TRIM6: variants seen among roughly 807,000 people sequenced by gnomAD.
TRIM6 encodes the protein tripartite motif-containing protein 6.
In TRIM6, 43 loss-of-function variants were observed where a neutral mutation model predicts 51.2. The observed-to-expected ratio is 0.84, with a 90% confidence interval of 0.66 to 1.08. The LOEUF (loss-of-function observed/expected upper bound fraction) is 1.08. Ranked by LOEUF, TRIM6 falls within the 50% of genes least tolerant of loss-of-function variation. The probability of loss-of-function intolerance (pLI) is 0.00; values close to 1 mark genes in which losing one functional copy is unlikely to be tolerated. For synonymous variants in TRIM6, 215 were observed against 232.4 expected, an observed-to-expected ratio of 0.93 and a Z score of 0.68; for missense variants, 669 against 619.0, an observed-to-expected ratio of 1.08 and a Z score of -0.86.
At chr11:5,601,648 C>G (rs1847859160) in intron 1 of TRIM6, among the ~76,000 whole-genome samples, 1 of 152,146 alleles carries the variant, frequency 6.6e-6, no homozygotes, top group Non-Finnish European at 1.5e-5. Context: ...ATCCCAGCTA[C>G]TCAGGAGGCT....
chr11:5,605,205 C>A, intron 3 of TRIM6, 132 bp from the exon 4 acceptor site: 2 of 1,199,740 alleles, frequency 1.7e-6, no homozygotes, highest in Non-Finnish European at 1.2e-6. Flanking sequence ...CTTTCTCCTG[C>A]AGCATTTACC....
Position 5,605,417 on chromosome 11 carries a change from G to A in TRIM6, c.684G>A (p.Arg228=). ...ATATCCTAGACAGAGTGGAGCAACG[G>A]GAGCTGAAAAAGCTGGAACAGGAAG... is the stretch of plus-strand genomic sequence containing the variant. ...LRNILDRVEQ[R]ELKKLEQEEK... The change falls in exon 4 of 8, where the codon CGG becomes CGA. Residue 228 remains arginine, a synonymous_variant. Transcript: ENST00000380097. 6.2e-7 allele frequency: 1 copy of A among 1,614,178 alleles called. No homozygotes were observed. The highest frequency in any genetic ancestry group is 1.6e-4 in the Middle Eastern group (1 of 6,062).
At chr11:5,604,838 C>A in intron 3 of TRIM6, 1 of 525,180 alleles carries the variant, frequency 1.9e-6, no homozygotes, top group Non-Finnish European at 3.3e-6. Context: ...AGGAGACAAT[C>A]ACATAGCAGA....
Position 5,605,432 on chromosome 11 carries a change from G to C in TRIM6, c.699G>C (p.Leu233=). Residue 233 remains leucine, a synonymous_variant, in exon 4 of 8, where the codon CTG becomes CTC. Coordinates refer to ENST00000380097, the MANE Select transcript of TRIM6 (RefSeq NM_001003818.3). Reference sequence around the variant, plus strand: ...TGGAGCAACGGGAGCTGAAAAAGCTGGAACAGGAAGAGAAGAAGGGGCTAC... The same window carrying C: ...TGGAGCAACGGGAGCTGAAAAAGCTCGAACAGGAAGAGAAGAAGGGGCTAC... ...DRVEQRELKK[L]EQEEKKGLRI... 6.2e-7 allele frequency: 1 copy of C among 1,614,168 alleles called. No homozygotes were observed. The highest frequency in any genetic ancestry group is 8.5e-7 in the Non-Finnish European group (1 of 1,180,032).
intron 4 of TRIM6, among the ~76,000 whole-genome samples, chr11:5,607,227 CA>C (rs1479297469): frequency 6.6e-6 from 1 of 152,048 alleles, no homozygotes; most frequent in Non-Finnish European, 1.5e-5. Flanking sequence ...ATTTTATAGC[CA>C]AGATAAAAGC....
At chr11:5,607,167 G>T (rs1285884014) in intron 4 of TRIM6, among the ~76,000 whole-genome samples, 1 of 152,028 alleles carries the variant, frequency 6.6e-6, no homozygotes, top group Non-Finnish European at 1.5e-5. Context: ...TCGCACCACT[G>T]CACTCCAGCC....
chr11:5,605,599 G>C, intron 4 of TRIM6, 32 bp downstream of exon 4: 1 of 1,581,840 alleles, frequency 6.3e-7, no homozygotes, highest in Non-Finnish European at 8.6e-7. Context: ...AGATCTGAGA[G>C]TCAAGGAAAA....
At chr11:5,606,365 G>A (rs1386955816) in intron 4 of TRIM6, among the ~76,000 whole-genome samples, 1 of 152,160 alleles carries the variant, frequency 6.6e-6, no homozygotes, top group Admixed American at 6.5e-5. Flanking sequence ...AATTCTAGCA[G>A]CTATTTTCTG....
intron 1 of TRIM6, among the ~76,000 whole-genome samples, chr11:5,597,777 C>T (rs963511058): frequency 6.6e-6 from 1 of 152,122 alleles, no homozygotes; most frequent in African/African-American, 2.4e-5. Flanking sequence ...AAAGATGCTT[C>T]GTATCTAAAT....
At position 5,611,802 on chromosome 11, in the gene TRIM6, G is replaced by A. The variant is rs1370784918; in HGVS notation, c.*460G>A. ...TCAGTACTAGGATGCACCCAGTGGT[G>A]AGAGTAAGCATCTTTGACTGATGAC... On this transcript the variant is annotated 3_prime_UTR_variant, in exon 8 of 8. Transcript: ENST00000380097. The A allele has an allele frequency of 6.3e-6, 1 of 159,410 alleles. No homozygotes were observed. Among genetic ancestry groups the A allele is most frequent in the African/African-American group, 2.4e-5 (1 of 41,482 alleles). The allele number at this position is 159,410 out of a possible 1,614,324, so 9.9% of individuals were successfully genotyped here. A position where few individuals can be genotyped will look rare whatever the true frequency, so the allele number is the denominator to read the frequency against.
intron 3 of TRIM6, 97 bp downstream of exon 3, chr11:5,604,726 T>C (rs1848101261): frequency 1.1e-5 from 15 of 1,305,248 alleles, no homozygotes; most frequent in Non-Finnish European, 1.6e-5. Flanking sequence ...TGTCCTCTGA[T>C]GCCATGACTA....
At chr11:5,610,656 G>A in intron 7 of TRIM6, 95 bp downstream of exon 7, 3 of 1,566,326 alleles carry the variant, frequency 1.9e-6, no homozygotes, top group Non-Finnish European at 2.6e-6. Context: ...AGGTGTTGAT[G>A]CCTCCCCCAT....
In TRIM6 at chr11:5,604,702, G is replaced by A. The variant is rs1848100155; in HGVS notation, c.603+73G>A. The A allele has an allele frequency of 3.4e-6, 5 of 1,483,830 alleles. No homozygotes were observed. The South Asian group carries it at 5.5e-5, about 16-fold the overall frequency. 91.9% of individuals were successfully genotyped at this position (1,483,830 alleles called of 1,614,324 possible). On this transcript the variant is annotated intron_variant, in intron 3 of 7. Transcript: ENST00000380097. ...GGTCATAGGAGCTGAGGGCAAAGGAGTCCTTGTCCTGTCTGTCCTCTGATG... is the reference window on the plus strand; with the variant it reads ...GGTCATAGGAGCTGAGGGCAAAGGAATCCTTGTCCTGTCTGTCCTCTGATG...
In TRIM6 at chr11:5,610,870, G is replaced by A; in HGVS notation, c.1079G>A (p.Gly360Glu). ...AGGTTTGTGGGAGCTAAAGTATCTG[G>A]ACCTTCCTGTCTGGAAAAGCATTAT... ...QVRFVGAKVS[G>E]PSCLEKHYDC... Residue 360 changes from glycine (G) to glutamate (E), a missense_variant, in exon 8 of 8, where the codon GGA becomes GAA. Coordinates refer to ENST00000380097, the MANE Select transcript of TRIM6 (RefSeq NM_001003818.3). 6.2e-7 allele frequency: 1 copy of A among 1,614,136 alleles called. No individual in the cohort carries two copies. The highest frequency in any genetic ancestry group is 1.7e-5 in the Admixed American group (1 of 60,014).
chr11:5,605,125 A>G (rs984919342), intron 3 of TRIM6: 9 of 633,018 alleles, frequency 1.4e-5, no homozygotes, highest in Non-Finnish European at 2.1e-5. Context: ...TGGCCTAGAT[A>G]AAGCAGCCCG....
chr11:5,605,318 T>G lies in TRIM6; in HGVS notation c.604-19T>G. On this transcript the variant is annotated intron_variant, in intron 3 of 7. Coordinates refer to ENST00000380097, the MANE Select transcript of TRIM6 (RefSeq NM_001003818.3). ...AGTGTGACCGACTAGCAGCCTCTTT[T>G]TCTTCCCTGTTCCTGAAGAATCAGA... is the stretch of plus-strand genomic sequence containing the variant. The G allele has an allele frequency of 6.2e-7, 1 of 1,613,828 alleles. No homozygotes were observed. Among genetic ancestry groups the G allele is most frequent in the Non-Finnish European group, 8.5e-7 (1 of 1,179,932 alleles).
Position 5,611,125 on chromosome 11 carries a change from A to T in TRIM6, c.1334A>T (p.Asp445Val), listed in dbSNP as rs1848553802. 3 of 1,613,948 alleles carry T rather than the reference A, an allele frequency of 1.9e-6. No individual in the cohort carries two copies. Among genetic ancestry groups the T allele is most frequent in the East Asian group, 2.2e-5 (1 of 44,852 alleles). ...AACCATGAATATAGGGCCTATGAGGATTCTTCCCCTTCCCTGCTTCTCTCC... is the reference window on the plus strand; with the variant it reads ...AACCATGAATATAGGGCCTATGAGGTTTCTTCCCCTTCCCTGCTTCTCTCC... ...QHNHEYRAYE[D>V]SSPSLLLSMT... The change falls in exon 8 of 8, where the codon GAT becomes GTT. Residue 445 changes from aspartate (D) to valine (V), a missense_variant. Asp to Val is a radical substitution (Grantham distance 152). Coordinates refer to ENST00000380097, the MANE Select transcript of TRIM6 (RefSeq NM_001003818.3).
upstream of TRIM6, chr11:5,596,612 C>T (rs1391183434): frequency 1.1e-5 from 3 of 273,438 alleles, no homozygotes; most frequent in African/African-American, 2.4e-5. Flanking sequence ...GTTTATCCCC[C>T]ACCCCAGGCG....
Position 5,604,617 on chromosome 11 carries a change from A to AG in TRIM6, c.591_592insG (p.Thr198AspfsTer10), listed in dbSNP as rs1332483997. 3 of 1,611,906 alleles carry AG rather than the reference A, an allele frequency of 1.9e-6. No individual in the cohort carries two copies. The highest frequency in any genetic ancestry group is 1.7e-4 in the Middle Eastern group (1 of 6,060). ...TAACAGCTTTTATCAGAGAGAAGAA[A>AG]ACATCCTGGAAGGCAAGGGAGACTT... On this transcript the variant is annotated frameshift_variant, in exon 3 of 8. Coordinates refer to ENST00000380097, the MANE Select transcript of TRIM6 (RefSeq NM_001003818.3). LOFTEE classifies it high-confidence loss of function.
Sources: allele counts gnomAD v4.1 joint callset (sites outside exome capture counted in the v4.1 genomes callset), GRCh38; gene constraint gnomAD v4.1.1; transcripts MANE v1.5; gene names NCBI Gene and HGNC (gene_info 2026-07-23, HGNC 2026-07-21).